Variants in STRN3 observed in about 807,000 individuals in gnomAD.
STRN3 encodes the protein striatin 3, also known as striatin-3.
In STRN3, 29 loss-of-function variants were observed where a neutral mutation model predicts 95.6. The observed-to-expected ratio is 0.30, with a 90% CI of 0.23 to 0.41. STRN3 has a LOEUF of 0.41. Among genes scored for constraint, STRN3 ranks in the 10% least tolerant of loss-of-function variants. The probability of loss-of-function intolerance (pLI) is 1.00; values close to 1 mark genes in which losing one functional copy is unlikely to be tolerated. For missense variants in STRN3, 890 were observed against 972.1 expected (o/e 0.92, Z 1.12); for synonymous variants, 331 against 357.6 (o/e 0.93, Z 0.84).
In STRN3 at chr14:30,895,710, C is replaced by T; in HGVS notation, c.2176G>A (p.Val726Ile). 1 of 1,613,986 alleles carries T rather than the reference C, an allele frequency of 6.2e-7. No individual in the cohort carries two copies. The highest frequency in any genetic ancestry group is 1.3e-5 in the African/African-American group (1 of 75,030). Residue 726 changes from valine to isoleucine, a missense_variant, in exon 17 of 18, where the codon GTT (valine) becomes ATT (isoleucine). Coordinates refer to ENST00000357479, the MANE Select transcript of STRN3 (RefSeq NM_001083893.2). The stretch of plus-strand genomic sequence containing the variant: ...TTAGGATCTACTGCTAGACTTGTAA[C>T]AGCATCCAAGTGAGCTACCATAGAA... ...IHSMVAHLDA[V>I]TSLAVDPNGI...
In STRN3 at chr14:30,913,656, A is replaced by G. The variant is rs746893089; in HGVS notation, c.1242T>C (p.Ala414=). The G allele has an allele frequency of 5.0e-6, 8 of 1,613,190 alleles. No homozygotes were observed. Among genetic ancestry groups the G allele is most frequent in the Non-Finnish European group, 6.8e-6 (8 of 1,179,754 alleles). Residue 414 remains alanine, a splice_region_variant and synonymous_variant, in exon 10 of 18, where the codon GCT becomes GCC. Coordinates refer to ENST00000357479, the MANE Select transcript of STRN3 (RefSeq NM_001083893.2). Reference sequence around the variant, plus strand: ...CTCCAGATGGAAACGTTATTGGTTCAGCTATAAAGAACAAAACCGCTTCTT... The same window carrying G: ...CTCCAGATGGAAACGTTATTGGTTCGGCTATAAAGAACAAAACCGCTTCTT... ...TDHEGARAEE[A]EPITFPSGGG...
chr14:30,954,765 T>C (rs1879818746), intron 3 of STRN3, among the ~76,000 whole-genome samples: 2 of 152,190 alleles, frequency 1.3e-5, no homozygotes, highest in African/African-American at 2.4e-5. Flanking sequence ...TGGGACCACC[T>C]AGCCAATTCT....
At position 30,911,780 on chromosome 14, in the gene STRN3, T is replaced by G; in HGVS notation, c.1595A>C (p.His532Pro). Residue 532 changes from histidine to proline, a missense_variant, in exon 12 of 18, where the codon CAC (histidine) becomes CCC (proline). Physicochemically the swap from His to Pro is moderately conservative, Grantham distance 77. Around this residue, in one of 3 missense-constraint regions of STRN3, gnomAD observed 357 missense variants for 422.8 expected, o/e 0.84. Coordinates refer to ENST00000357479, the MANE Select transcript of STRN3 (RefSeq NM_001083893.2). Reference sequence around the variant, plus strand: ...ATACCAATTCAGTAAAACTTACATGTGGGCCCTAAATGTGTAGATAGGCTC... The same window carrying G: ...ATACCAATTCAGTAAAACTTACATGGGGGCCCTAAATGTGTAGATAGGCTC... Reference protein sequence around the residue: ...DVEPIYTFRAHIGPVLSLAIS... With the variant: ...DVEPIYTFRAPIGPVLSLAIS... 1.2e-6 allele frequency: 2 copies of G among 1,606,212 alleles called. No homozygotes were observed. Among genetic ancestry groups the G allele is most frequent in the Non-Finnish European group, 1.7e-6 (2 of 1,176,956 alleles).
rs551541777 is a variant in STRN3 at position 31,023,581 on chromosome 14, C to T, written c.282+2323G>A. Among the ~76,000 whole-genome samples, 27 of 152,200 alleles carry T rather than the reference C, an allele frequency of 1.8e-4. No homozygotes were observed. In the South Asian group the frequency reaches 4.8e-3, roughly 27 times the overall value. ...AATTAACACTTTAAAAATCTGTGTACATGACAGTGCACTGGAGACTGTACA... is the reference window on the plus strand; with the variant it reads ...AATTAACACTTTAAAAATCTGTGTATATGACAGTGCACTGGAGACTGTACA... On this transcript the variant is annotated intron_variant, in intron 1 of 17. Coordinates refer to ENST00000357479, the MANE Select transcript of STRN3 (RefSeq NM_001083893.2).
At chr14:30,943,914 T>C (rs889804942) in intron 5 of STRN3, among the ~76,000 whole-genome samples, 2 of 152,044 alleles carry the variant, frequency 1.3e-5, no homozygotes, top group Non-Finnish European at 2.9e-5. Flanking sequence ...AAAGTTATTG[T>C]TTCCAGTCAT....
chr14:30,922,390 T>C (rs1896907697), intron 8 of STRN3, among the ~76,000 whole-genome samples: 1 of 152,144 alleles, frequency 6.6e-6, no homozygotes, highest in African/African-American at 2.4e-5. Flanking sequence ...CAAAGTCCTA[T>C]ATAAATGCAT....
chr14:30,911,813 A>G lies in STRN3; in HGVS notation c.1562T>C (p.Leu521Ser). 4.4e-6 allele frequency: 7 copies of G among 1,607,582 alleles called. No individual in the cohort carries two copies. Among genetic ancestry groups the G allele is most frequent in the Non-Finnish European group, 5.9e-6 (7 of 1,178,040 alleles). ...KTVPAKKSAS[L>S]DVEPIYTFRA... is the part of the protein sequence containing the mutation. ...AAATGTGTAGATAGGCTCTACATCTAAAGAGGCACTCCTAAAAGAGGGGGA... is the reference window on the plus strand; with the variant it reads ...AAATGTGTAGATAGGCTCTACATCTGAAGAGGCACTCCTAAAAGAGGGGGA... The change falls in exon 12 of 18, where the codon TTA becomes TCA. Residue 521 changes from leucine (L) to serine (S), a missense_variant. Coordinates refer to ENST00000357479, the MANE Select transcript of STRN3 (RefSeq NM_001083893.2).
At chr14:30,904,200 A>C (rs1896400574) in intron 15 of STRN3, among the ~76,000 whole-genome samples, 1 of 152,156 alleles carries the variant, frequency 6.6e-6, no homozygotes, top group Non-Finnish European at 1.5e-5. Flanking sequence ...GCACAAAATG[A>C]ACAACATGAA....
intron 5 of STRN3, among the ~76,000 whole-genome samples, chr14:30,940,830 T>C (rs1203037676): frequency 6.6e-6 from 1 of 152,202 alleles, no homozygotes; most frequent in Non-Finnish European, 1.5e-5. Flanking sequence ...ATCTTTGAAT[T>C]TTCCTATCTT....
Position 30,929,311 on chromosome 14 carries a change from T to A in STRN3, c.989A>T (p.Asp330Val). 6.2e-7 allele frequency: 1 copy of A among 1,611,302 alleles called. No homozygotes were observed. ...AGCAGTTGGGGAGAGGTCATCTTTA[T>A]CTACATGCAGCATATTATTAAAAGA... is the stretch of plus-strand genomic sequence containing the variant. ...ARSSGDGTEWDKDDLSPTAEV... is the reference protein window; with the variant it reads ...ARSSGDGTEWVKDDLSPTAEV... Residue 330 changes from aspartate to valine, a missense_variant and splice_region_variant, in exon 8 of 18, where the codon GAT becomes GTT. This residue lies in a region of STRN3 where 526 missense variants were observed against 526.3 expected (regional missense o/e 1.00). Transcript: ENST00000357479.
intron 1 of STRN3, among the ~76,000 whole-genome samples, chr14:31,003,680 C>T (rs1158261923): frequency 6.6e-6 from 1 of 151,820 alleles, no homozygotes; most frequent in Admixed American, 6.6e-5. Flanking sequence ...CTTGAACTTG[C>T]CAACCAACAG....
chr14:31,016,835 G>A (rs935402713), intron 1 of STRN3, among the ~76,000 whole-genome samples: 1 of 151,978 alleles, frequency 6.6e-6, no homozygotes, highest in African/African-American at 2.4e-5. Context: ...GAGCCACTGC[G>A]CCCAGCCAAA....
chr14:31,018,050 G>A (rs917348005), intron 1 of STRN3, among the ~76,000 whole-genome samples: 4 of 145,652 alleles, frequency 2.7e-5, no homozygotes, highest in Non-Finnish European at 5.9e-5. Context: ...CTGCACTCCA[G>A]CCTGGGCAAC....
intron 1 of STRN3, among the ~76,000 whole-genome samples, chr14:30,982,674 A>G (rs1440463815): frequency 6.6e-6 from 1 of 152,230 alleles, no homozygotes; most frequent in African/African-American, 2.4e-5. Context: ...ATTTGCAAGC[A>G]TTAAGCCACA....
At chr14:30,961,131 T>C (rs899862077) in intron 1 of STRN3, among the ~76,000 whole-genome samples, 18 of 152,168 alleles carry the variant, frequency 1.2e-4, no homozygotes, top group African/African-American at 3.4e-4. Flanking sequence ...AAAAGAGGAA[T>C]TGGCAACCTA....
At position 31,005,130 on chromosome 14, in the gene STRN3, G is replaced by A. The variant is rs548720744; in HGVS notation, c.282+20774C>T. On this transcript the variant is annotated intron_variant, in intron 1 of 17. Transcript: ENST00000357479. The stretch of plus-strand genomic sequence containing the variant: ...GGGCAGATCATGAGGTCAGGAGTTC[G>A]AGACCAGCCTGGCCAATATGGTGAA... Among the ~76,000 whole-genome samples the A allele has an allele frequency of 1.9e-3, 289 of 152,102 alleles. 1 individual carries two copies. The highest frequency in any genetic ancestry group is 7.5e-3 in the Admixed American group (115 of 15,280).
chr14:30,981,429 C>T (rs1294309103), intron 1 of STRN3, among the ~76,000 whole-genome samples: 1 of 152,098 alleles, frequency 6.6e-6, no homozygotes, highest in Non-Finnish European at 1.5e-5. Flanking sequence ...GGGCTAGAGG[C>T]AAGGTTCAAA....
intron 3 of STRN3, among the ~76,000 whole-genome samples, chr14:30,954,547 TC>T (rs1879809480): frequency 6.6e-6 from 1 of 152,192 alleles, no homozygotes; most frequent in Admixed American, 6.5e-5. Flanking sequence ...CCACTAAACA[TC>T]CTGAAGAATT....
intron 15 of STRN3, 133 bp downstream of exon 15, chr14:30,905,285 C>G (rs1896431575): frequency 1.0e-6 from 1 of 980,962 alleles, no homozygotes; most frequent in Admixed American, 3.9e-5. Flanking sequence ...ATAAGTATAA[C>G]TGTAACATTA....
Sources: gnomAD v4.1 joint callset for allele counts (sites outside exome capture counted in the v4.1 genomes callset) on GRCh38, gnomAD v4.1.1 for gene constraint, gnomAD v4.1.1 regional missense constraint, MANE v1.5 for transcripts, NCBI Gene and HGNC (gene_info 2026-07-23, HGNC 2026-07-21) for gene names.